CFAP65: variants seen among roughly 807,000 people sequenced by gnomAD.
CFAP65 encodes cilia and flagella associated protein 65.
Under a neutral mutation model 208.0 loss-of-function variants are expected in CFAP65, and 155 were observed. The ratio of observed to expected loss-of-function variants is 0.75; its 90% CI spans 0.65 to 0.85. The LOEUF is 0.85. Ranked by LOEUF, CFAP65 falls within the 40% of genes least tolerant of loss-of-function variation. The probability of loss-of-function intolerance (pLI) is 0.00; values close to 1 mark genes in which losing one functional copy is unlikely to be tolerated. For synonymous variants in CFAP65, 970 were observed against 986.3 expected (o/e 0.98, Z 0.31); for missense variants, 2,294 against 2,451.3 (o/e 0.94, Z 1.36).
Position 219,010,688 on chromosome 2 carries a change from T to C in CFAP65, c.4166A>G (p.His1389Arg), listed in dbSNP as rs1281369764. Reference sequence around the variant, plus strand: ...GAGGGCCGAGTTCCATCCCAGGATGTGTATGGGCACGTCCACCTGGGGAGT... The same window carrying C: ...GAGGGCCGAGTTCCATCCCAGGATGCGTATGGGCACGTCCACCTGGGGAGT... ...AKTYTVDVPI[H>R]ILGWNSALIH... is the part of the protein sequence containing the mutation. Residue 1389 changes from histidine to arginine, a missense_variant, in exon 26 of 35, where the codon CAC becomes CGC. By Grantham distance (29) the His-to-Arg change is conservative (BLOSUM62 0). This residue lies in a region of CFAP65 where 1,427 missense variants were observed against 1,438.7 expected (regional missense o/e 0.99). Coordinates refer to ENST00000341552, the MANE Select transcript of CFAP65 (RefSeq NM_194302.4). 1.3e-5 allele frequency: 21 copies of C among 1,608,216 alleles called. No individual in the cohort carries two copies. Among genetic ancestry groups the C allele is most frequent in the Non-Finnish European group, 1.7e-5 (20 of 1,177,784 alleles).
In CFAP65 at chr2:219,013,579, C is replaced by A; in HGVS notation, c.3786G>T (p.Leu1262=). The change falls in exon 23 of 35, where the codon CTG becomes CTT. Residue 1262 remains leucine, a synonymous_variant. Transcript: ENST00000341552. The part of the protein sequence containing the change: ...EQMVELKYSH[L]FIGTDHLPVL... ...CTGGGAGGTGATCAGTACCGATGAA[C>A]AGGTGGCTAGAAAGAAACAGATAAG... 6.3e-7 allele frequency: 1 copy of A among 1,598,822 alleles called. No homozygotes were observed. Among genetic ancestry groups the A allele is most frequent in the Non-Finnish European group, 8.5e-7 (1 of 1,174,214 alleles).
At chr2:219,028,601 G>A (rs1227734112) in intron 11 of CFAP65, among the ~76,000 whole-genome samples, 200 bp from the exon 12 acceptor site, 1 of 152,074 alleles carries the variant, frequency 6.6e-6, no homozygotes, top group African/African-American at 2.4e-5. Flanking sequence ...AAGGTCAGGA[G>A]AGAGCACCCC....
chr2:219,010,458 C>A, intron 26 of CFAP65, 88 bp downstream of exon 26: 1 of 1,413,142 alleles, frequency 7.1e-7, no homozygotes, highest in Non-Finnish European at 9.6e-7. Context: ...TCATGTCCCT[C>A]CCAGCCTCCC....
chr2:219,021,254 TC>T lies in CFAP65; in HGVS notation c.3156del (p.Ser1053AlafsTer12). The T allele has an allele frequency of 6.2e-7, 1 of 1,602,886 alleles. No individual in the cohort carries two copies. Among genetic ancestry groups the T allele is most frequent in the African/African-American group, 1.3e-5 (1 of 74,644 alleles). On this transcript the variant is annotated frameshift_variant, in exon 19 of 35. Transcript: ENST00000341552. LOFTEE classifies it high-confidence loss of function. The stretch of plus-strand genomic sequence containing the variant: ...GTGTCCTGGGACCGGGGTGGCATGC[TC>T]CCCTCTGTTCGGTCCAGCTGCAGAG... The part of the protein sequence containing the change: ...PLALQLDRTE[G>X]SMPPRSQDTI...
intron 13 of CFAP65, chr2:219,027,393 A>G: frequency 1.4e-6 from 2 of 1,471,408 alleles, no homozygotes; most frequent in Non-Finnish European, 1.8e-6. Context: ...CAGTTTTCCC[A>G]AACAGCTTGA....
At chr2:219,017,145 A>C (rs1946947875) in intron 21 of CFAP65, among the ~76,000 whole-genome samples, 1 of 152,232 alleles carries the variant, frequency 6.6e-6, no homozygotes, top group African/African-American at 2.4e-5. Flanking sequence ...TATCCTGAAG[A>C]CCAGCCCAGA....
rs1946425834 is a variant in CFAP65, at chr2:219,010,842, A to G, written c.4112T>C (p.Leu1371Ser). 1.9e-6 allele frequency: 3 copies of G among 1,611,560 alleles called. No homozygotes were observed. The East Asian group carries it at 6.7e-5, about 36-fold the overall frequency. The part of the protein sequence containing the change: ...EIQPGSTARV[L>S]WIFSPIEAKT... Reference sequence around the variant, plus strand: ...GGCCTCGATAGGTGAGAAGATCCACAAGACCCGGGCAGTGCTGCCTGGCTG... The same window carrying G: ...GGCCTCGATAGGTGAGAAGATCCACGAGACCCGGGCAGTGCTGCCTGGCTG... The change falls in exon 25 of 35, where the codon TTG becomes TCG. Residue 1371 changes from leucine (L) to serine (S), a missense_variant. By Grantham distance (145) the Leu-to-Ser change is moderately radical. Coordinates refer to ENST00000341552, the MANE Select transcript of CFAP65 (RefSeq NM_194302.4).
rs777874341 is a variant in CFAP65 at position 219,010,823 on chromosome 2, G to A, written c.4131C>T (p.Ile1377=). 8.1e-6 allele frequency: 13 copies of A among 1,607,648 alleles called. No individual in the cohort carries two copies. Among genetic ancestry groups the A allele is most frequent in the South Asian group, 1.1e-5 (1 of 90,704 alleles). ...TARVLWIFSP[I]EAKTYTVDVP... ...TGCTCACCGTGTAGGTCTTGGCCTC[G>A]ATAGGTGAGAAGATCCACAAGACCC... The change falls in exon 25 of 35, where the codon ATC becomes ATT. Residue 1377 remains isoleucine, a synonymous_variant. Transcript: ENST00000341552.
Position 219,022,185 on chromosome 2 carries a change from T to G in CFAP65, c.2965A>C (p.Thr989Pro), listed in dbSNP as rs1574594871. The G allele has an allele frequency of 6.3e-7, 1 of 1,597,758 alleles. No homozygotes were observed. Residue 989 changes from threonine to proline, a missense_variant, in exon 17 of 35, where the codon ACC (threonine) becomes CCC (proline). Physicochemically the swap from Thr to Pro is conservative, Grantham distance 38. Around this residue, in one of 2 missense-constraint regions of CFAP65, gnomAD observed 1,427 missense variants for 1,438.7 expected, o/e 0.99. Transcript: ENST00000341552. ...CTCCCACTCACAGAGAGGCTGCTGG[T>G]GAGCCCAACGCCCACCAGCCGGAGC... ...YMLRLVGVGL[T>P]SSLSAKEKEL...
At chr2:219,025,145 T>G (rs934338443) in intron 14 of CFAP65, among the ~76,000 whole-genome samples, 1 of 151,950 alleles carries the variant, frequency 6.6e-6, no homozygotes, top group Admixed American at 6.6e-5. Context: ...ACAGTGCCTG[T>G]GTGTTAGCCG....
chr2:219,039,751 T>C (rs1948565403), intron 2 of CFAP65, among the ~76,000 whole-genome samples: 1 of 152,350 alleles, frequency 6.6e-6, no homozygotes, highest in East Asian at 1.9e-4. Context: ...TATTAAGACT[T>C]TGAAATCTGG....
At position 219,010,687 on chromosome 2, in the gene CFAP65, G is replaced by A. The variant is rs369520635; in HGVS notation, c.4167C>T (p.His1389=). The stretch of plus-strand genomic sequence containing the variant: ...TGAGGGCCGAGTTCCATCCCAGGAT[G>A]TGTATGGGCACGTCCACCTGGGGAG... ...AKTYTVDVPI[H]ILGWNSALIH... The change falls in exon 26 of 35, where the codon CAC becomes CAT. Residue 1389 remains histidine, a synonymous_variant. Transcript: ENST00000341552. The A allele has an allele frequency of 6.2e-7, 1 of 1,609,538 alleles. No homozygotes were observed.
rs1946413517 is a variant in CFAP65 at position 219,010,703 on chromosome 2, A to C, written c.4151T>G (p.Val1384Gly). The C allele has an allele frequency of 1.9e-6, 3 of 1,604,480 alleles. No individual in the cohort carries two copies. Among genetic ancestry groups the C allele is most frequent in the Non-Finnish European group, 1.7e-6 (2 of 1,175,456 alleles). The change falls in exon 26 of 35, where the codon GTG becomes GGG. Residue 1384 changes from valine to glycine, a missense_variant and splice_region_variant. By Grantham distance (109) the Val-to-Gly change is moderately radical. Coordinates refer to ENST00000341552, the MANE Select transcript of CFAP65 (RefSeq NM_194302.4). ...TCCCAGGATGTGTATGGGCACGTCC[A>C]CCTGGGGAGTTAGGAGGGTGGGGGT... Reference protein sequence around the residue: ...FSPIEAKTYTVDVPIHILGWN... With the variant: ...FSPIEAKTYTGDVPIHILGWN...
rs547007529 is a variant in CFAP65, at chr2:219,007,640, C to T, written c.4675-1131G>A. ...AGGAACCAAGAAGGAAGTGTTGTCT[C>T]GTGTTTATTATCAGACCCTCCCCCT... On this transcript the variant is annotated intron_variant, in intron 29 of 34. Coordinates refer to ENST00000341552, the MANE Select transcript of CFAP65 (RefSeq NM_194302.4). Among the ~76,000 whole-genome samples, 64 of 152,096 alleles carry T rather than the reference C, an allele frequency of 4.2e-4. 1 individual carries two copies. The highest frequency in any genetic ancestry group is 1.5e-3 in the African/African-American group (61 of 41,454).
In CFAP65 at chr2:219,009,437, C is replaced by T; in HGVS notation, c.4476G>A (p.Gly1492=). ...FGEVSVSPMI[G]VVAPEETVPF... ...GGACCGTCTCTTCAGGAGCCACCAC[C>T]CCTATCATGGGACTCACAGACACCT... is the stretch of plus-strand genomic sequence containing the variant. The change falls in exon 28 of 35, where the codon GGG becomes GGA. Residue 1492 remains glycine, a synonymous_variant. Transcript: ENST00000341552. 1 of 1,612,446 alleles carries T rather than the reference C, an allele frequency of 6.2e-7. No individual in the cohort carries two copies. The highest frequency in any genetic ancestry group is 8.5e-7 in the Non-Finnish European group (1 of 1,179,758).
At chr2:219,009,715 A>G (rs1182335481) in intron 27 of CFAP65, among the ~76,000 whole-genome samples, 2 of 42,804 alleles carry the variant, frequency 4.7e-5, no homozygotes, top group Non-Finnish European at 8.4e-5. Context: ...GTGGGGTGGG[A>G]TGGAGTAGAA....
rs186211637 is a variant in CFAP65, at chr2:219,023,262, C to T, written c.2765G>A (p.Arg922Gln). ...QFEWRVSEQH[R>Q]KLLAVQPSRG... The stretch of plus-strand genomic sequence containing the variant: ...GGAGGGCTGGACAGCCAGCAGCTTT[C>T]GATGCTGCTCAGAGACCCTCCACTC... The change falls in exon 16 of 35, where the codon CGA becomes CAA. Residue 922 changes from arginine (R) to glutamine (Q), a missense_variant. Transcript: ENST00000341552. The T allele has an allele frequency of 6.1e-4, 984 of 1,612,980 alleles. 6 individuals carry two copies. In the East Asian group the frequency reaches 0.013, roughly 22 times the overall value.
rs1360984973 is a variant in CFAP65 at position 219,028,365 on chromosome 2, A to G, written c.1687T>C (p.Ser563Pro). 6.2e-7 allele frequency: 1 copy of G among 1,602,210 alleles called. No homozygotes were observed. The highest frequency in any genetic ancestry group is 8.5e-7 in the Non-Finnish European group (1 of 1,174,488). The change falls in exon 12 of 35, where the codon TCG becomes CCG. Residue 563 changes from serine (S) to proline (P), a missense_variant. Ser to Pro is a moderately conservative substitution (Grantham distance 74). Around this residue, in one of 2 missense-constraint regions of CFAP65, gnomAD observed 867 missense variants for 1,012.6 expected, o/e 0.86. Transcript: ENST00000341552. ...LFLDLMGTCH[S>P]DSTKPAILKP... ...AGGATGGCTGGCTTGGTGCTGTCCG[A>G]GTGGCAGGTCCCCATCAGGTCCAGG...
intron 4 of CFAP65, among the ~76,000 whole-genome samples, chr2:219,036,567 C>A (rs1948378898): frequency 6.6e-6 from 1 of 152,072 alleles, no homozygotes; most frequent in African/African-American, 2.4e-5. Context: ...GCCTTAGCTT[C>A]CCGAGTAGCT....
Sources: allele counts gnomAD v4.1 joint callset (sites outside exome capture counted in the v4.1 genomes callset), GRCh38; gene constraint gnomAD v4.1.1; regional missense constraint gnomAD v4.1.1; transcripts MANE v1.5; gene names NCBI Gene and HGNC (gene_info 2026-07-23, HGNC 2026-07-21).